Variants in OR51C1 observed in about 807,000 individuals in gnomAD.
OR51C1 encodes olfactory receptor OR51C1.
chr11:4,696,536 AT>A, the OR51C1 span, among the ~76,000 whole-genome samples: 1 of 152,130 alleles, frequency 6.6e-6, no homozygotes, highest in Non-Finnish European at 1.5e-5. Flanking sequence ...ATTTCATTGC[AT>A]TTTTCTTACA....
At chr11:4,691,055 G>C in the OR51C1 span, 5 of 456,612 alleles carry the variant, frequency 1.1e-5, no homozygotes, top group Non-Finnish European at 2.2e-5. Context: ...AAGAAAGGAG[G>C]ATGAGAAGTA....
the OR51C1 span, chr11:4,691,352 C>T: frequency 2.2e-6 from 1 of 457,720 alleles, no homozygotes; most frequent in African/African-American, 2.0e-5. Flanking sequence ...CCATGGCCAA[C>T]AGCACTGAGG....
the OR51C1 span, among the ~76,000 whole-genome samples, chr11:4,694,577 C>T: frequency 0.31 from 31,385 of 99,636 alleles, 3,532 homozygotes; most frequent in Middle Eastern, 0.34. Context: ...TATATATATA[C>T]ACACACACAC....
chr11:4,693,188 A>C, the OR51C1 span, among the ~76,000 whole-genome samples: 1 of 152,214 alleles, frequency 6.6e-6, no homozygotes, highest in African/African-American at 2.4e-5. Flanking sequence ...CAATGCATAC[A>C]TGTATAACAA....
chr11:4,691,130 GC>G, the OR51C1 span: 2 of 456,644 alleles, frequency 4.4e-6, no homozygotes. Context: ...TGGTGTCTGT[GC>G]ATGAGAGCTT....
At chr11:4,693,281 A>G in the OR51C1 span, among the ~76,000 whole-genome samples, 19 of 152,240 alleles carry the variant, frequency 1.2e-4, no homozygotes, top group Non-Finnish European at 1.0e-4. Flanking sequence ...ACCAAAACAC[A>G]CTAAAAAGGA....
At chr11:4,691,175 G>C in the OR51C1 span, 1 of 456,644 alleles carries the variant, frequency 2.2e-6, no homozygotes, top group Non-Finnish European at 4.4e-6. Flanking sequence ...AGGAGTGGTG[G>C]AGTACTTGGC....
At chr11:4,691,355 CA>C in the OR51C1 span, 1 of 457,822 alleles carries the variant, frequency 2.2e-6, no homozygotes. Flanking sequence ...TGGCCAACAG[CA>C]CTGAGGATTC....
chr11:4,692,307 T>C, the OR51C1 span: 6 of 305,006 alleles, frequency 2.0e-5, no homozygotes, highest in African/African-American at 1.3e-4. Context: ...CCTTACAATA[T>C]GATACCCGGC....
At chr11:4,695,875 C>T in the OR51C1 span, among the ~76,000 whole-genome samples, 1 of 152,040 alleles carries the variant, frequency 6.6e-6, no homozygotes, top group East Asian at 1.9e-4. Context: ...AGTACCTCTT[C>T]TTTTCTTGCT....
At chr11:4,693,107 G>A in the OR51C1 span, among the ~76,000 whole-genome samples, 2 of 152,118 alleles carry the variant, frequency 1.3e-5, no homozygotes, top group East Asian at 3.8e-4. Flanking sequence ...AATTTTAAAT[G>A]TTCACAGCAC....
At chr11:4,690,816 A>T in the OR51C1 span, 1 of 442,456 alleles carries the variant, frequency 2.3e-6, no homozygotes, top group Non-Finnish European at 4.5e-6. Flanking sequence ...TTTGGTTTTC[A>T]CACTGTAGAT....
At chr11:4,697,615 A>T in the OR51C1 span, 1 of 152,662 alleles carries the variant, frequency 6.6e-6, no homozygotes, top group Non-Finnish European at 1.5e-5. Context: ...ATTCATCTAG[A>T]GTCAAGCATT....
At chr11:4,696,468 T>A in the OR51C1 span, among the ~76,000 whole-genome samples, 3 of 152,198 alleles carry the variant, frequency 2.0e-5, no homozygotes, top group Non-Finnish European at 2.9e-5. Context: ...GATGAGAACC[T>A]CGGGAGGTCT....
chr11:4,693,517 C>G, the OR51C1 span, among the ~76,000 whole-genome samples: 3 of 152,072 alleles, frequency 2.0e-5, no homozygotes, highest in Non-Finnish European at 2.9e-5. Flanking sequence ...GTCAGGAGAT[C>G]GAGACCATCC....
At chr11:4,690,545 C>G in the OR51C1 span, 6 of 224,514 alleles carry the variant, frequency 2.7e-5, no homozygotes, top group Admixed American at 2.1e-4. Flanking sequence ...TTAGGCTGTT[C>G]ATCTCTTCCA....
chr11:4,691,524 G>T, the OR51C1 span: 2 of 456,842 alleles, frequency 4.4e-6, no homozygotes, highest in African/African-American at 4.0e-5. Flanking sequence ...ATAGTACATT[G>T]GTTCGTGGAG....
the OR51C1 span, chr11:4,691,567 G>T: frequency 2.2e-6 from 1 of 456,984 alleles, no homozygotes; most frequent in African/African-American, 2.0e-5. Flanking sequence ...AAGAGGATCA[G>T]GCTGTTTCCC....
chr11:4,691,015 C>T, the OR51C1 span: 16 of 455,718 alleles, frequency 3.5e-5, no homozygotes, highest in Admixed American at 7.1e-5. Flanking sequence ...GGGGAAGCAA[C>T]GCTAAGGACA....
Sources: gnomAD v4.1 joint callset for allele counts (sites outside exome capture counted in the v4.1 genomes callset) on GRCh38, gnomAD v4.1.1 for gene constraint, MANE v1.5 for transcripts, NCBI Gene and HGNC (gene_info 2026-07-23, HGNC 2026-07-21) for gene names.